Variants in UBE2C observed in about 807,000 individuals in gnomAD.
UBE2C encodes the protein ubiquitin-conjugating enzyme E2 C.
UBE2C carries 16 observed loss-of-function variants against 23.5 expected under a neutral mutation model. That is an observed-to-expected ratio of 0.68 (90% CI 0.46 to 1.03). UBE2C has a LOEUF of 1.03. Ranked by LOEUF, UBE2C falls within the 50% of genes least tolerant of loss-of-function variation. UBE2C has a pLI of 0.00. For missense variants in UBE2C, 192 were observed against 227.6 expected (o/e 0.84, Z 1.01); for synonymous variants, 76 against 91.6 (o/e 0.83, Z 0.97).
chr20:45,815,790 T>C, intron 4 of UBE2C, 45 bp downstream of exon 4: 1 of 1,612,960 alleles, frequency 6.2e-7, no homozygotes, highest in Non-Finnish European at 8.5e-7. Flanking sequence ...CTTGGGAACC[T>C]GTCAGGACTC....
chr20:45,814,296 ATAT>A, intron 2 of UBE2C, 85 bp from the exon 3 acceptor site: 1 of 369,446 alleles, frequency 2.7e-6, no homozygotes. Flanking sequence ...ATATATATAT[ATAT>A]AAAATTAAGG....
rs1259707478 is a variant in UBE2C, at chr20:45,812,909, C to T, written c.101+113C>T. On this transcript the variant is annotated intron_variant, in intron 1 of 5. Coordinates refer to ENST00000356455, the MANE Select transcript of UBE2C (RefSeq NM_007019.4). Reference sequence around the variant, plus strand: ...GCCACCTCCTGGAGCGGGAGATCTGCGGGTGCAGGAGAACACACCAGGAGC... The same window carrying T: ...GCCACCTCCTGGAGCGGGAGATCTGTGGGTGCAGGAGAACACACCAGGAGC... The T allele has an allele frequency of 4.1e-5, 59 of 1,444,792 alleles. No homozygotes were observed. The Admixed American group carries it at 1.1e-3, about 26-fold the overall frequency. The allele number at this position is 1,444,792 out of a possible 1,614,324, so 89.5% of individuals were successfully genotyped here. A position where few individuals can be genotyped will look rare whatever the true frequency, so the allele number is the denominator to read the frequency against.
chr20:45,814,927 T>C lies in UBE2C; in HGVS notation c.216+457T>C, dbSNP rs1167423338. On this transcript the variant is annotated intron_variant, in intron 3 of 5. Transcript: ENST00000356455. ...AATCTCGGCTCACTGCAAGCTCCGC[T>C]TCCCGGGTTCACGCCATTCTCCTGC... Among the ~76,000 whole-genome samples the C allele has an allele frequency of 2.5e-5, 3 of 120,758 alleles. No homozygotes were observed. The East Asian group carries it at 7.0e-4, about 28-fold the overall frequency. The allele number at this position is 120,758 out of a possible 152,430, so 79.2% of individuals were successfully genotyped here. A position where few individuals can be genotyped will look rare whatever the true frequency, so the allele number is the denominator to read the frequency against.
At chr20:45,816,621 A>C in intron 5 of UBE2C, 88 bp from the exon 6 acceptor site, 10 of 1,249,488 alleles carry the variant, frequency 8.0e-6, no homozygotes, top group Non-Finnish European at 1.2e-5. Context: ...TGGTCAACAG[A>C]GTGAGACTCC....
In UBE2C at chr20:45,815,686, A is replaced by C. The variant is rs764691584; in HGVS notation, c.362A>C (p.Lys121Thr). ...ATATGCCTGGACATCCTGAAGGAAA[A>C]GTGGTCTGCCCTGTATGATGTCAGG... ...GNICLDILKE[K>T]WSALYDVRTI... Residue 121 changes from lysine to threonine, a missense_variant, in exon 4 of 6, where the codon AAG (lysine) becomes ACG (threonine). By Grantham distance (78) the Lys-to-Thr change is moderately conservative (BLOSUM62 -1). Coordinates refer to ENST00000356455, the MANE Select transcript of UBE2C (RefSeq NM_007019.4). 6.2e-7 allele frequency: 1 copy of C among 1,614,104 alleles called. No individual in the cohort carries two copies. The highest frequency in any genetic ancestry group is 1.1e-5 in the South Asian group (1 of 91,076).
At chr20:45,815,455 T>C (rs776555374) in intron 3 of UBE2C, 86 bp from the exon 4 acceptor site, 2 of 1,613,962 alleles carry the variant, frequency 1.2e-6, no homozygotes, top group Non-Finnish European at 1.7e-6. Flanking sequence ...AAACTCAAGA[T>C]TCTAGCAAGC....
Position 45,812,723 on chromosome 20 carries a change from G to A in UBE2C, c.28G>A (p.Ala10Thr), listed in dbSNP as rs763421388. Residue 10 changes from alanine to threonine, a missense_variant, in exon 1 of 6, where the codon GCC becomes ACC. Physicochemically the swap from Ala to Thr is moderately conservative, Grantham distance 58. Transcript: ENST00000356455. MASQNRDPA[A>T]TSVAAARKGA... ...GGCTTCCCAAAACCGCGACCCAGCCGCCACTAGCGTCGCCGCCGCCCGTAA... is the reference window on the plus strand; with the variant it reads ...GGCTTCCCAAAACCGCGACCCAGCCACCACTAGCGTCGCCGCCGCCCGTAA... 2.6e-6 allele frequency: 4 copies of A among 1,553,196 alleles called. No homozygotes were observed. Among genetic ancestry groups the A allele is most frequent in the South Asian group, 2.4e-5 (2 of 84,278 alleles).
At position 45,812,786 on chromosome 20, in the gene UBE2C, G is replaced by C; in HGVS notation, c.91G>C (p.Val31Leu). ...GAGCGGGGGCGCCGCCCGGGGTCCG[G>C]TGGGCAAAAGGTGAGTGATGCGGCC... ...EPSGGAARGP[V>L]GKRLQQELMT... The change falls in exon 1 of 6, where the codon GTG becomes CTG. Residue 31 changes from valine to leucine, a missense_variant. Physicochemically the swap from Val to Leu is conservative, Grantham distance 32. Transcript: ENST00000356455. 3 of 1,555,906 alleles carry C rather than the reference G, an allele frequency of 1.9e-6. No individual in the cohort carries two copies. The highest frequency in any genetic ancestry group is 2.6e-6 in the Non-Finnish European group (3 of 1,149,850).
At chr20:45,812,930 G>A (rs887006924) in intron 1 of UBE2C, 134 bp downstream of exon 1, 1 of 1,433,042 alleles carries the variant, frequency 7.0e-7, no homozygotes, top group African/African-American at 1.4e-5. Flanking sequence ...GAACACACCA[G>A]GAGCTCGGGG....
At chr20:45,813,905 G>A (rs1982176995) in intron 2 of UBE2C, among the ~76,000 whole-genome samples, 1 of 152,040 alleles carries the variant, frequency 6.6e-6, no homozygotes, top group African/African-American at 2.4e-5. Context: ...AGGAGTTCGA[G>A]ACCAGCCTGG....
chr20:45,816,514 G>T (rs1054521304), intron 5 of UBE2C, among the ~76,000 whole-genome samples, 195 bp from the exon 6 acceptor site: 13 of 152,194 alleles, frequency 8.5e-5, no homozygotes, highest in African/African-American at 2.9e-4. Context: ...GTAGGCACCT[G>T]TAGTCCCAGC....
rs1305257803 is a variant in UBE2C, at chr20:45,816,818, T to C, written c.*51T>C. The C allele has an allele frequency of 1.3e-6, 2 of 1,520,634 alleles. No individual in the cohort carries two copies. Among genetic ancestry groups the C allele is most frequent in the Admixed American group, 3.7e-5 (2 of 53,678 alleles). The allele number at this position is 1,520,634 out of a possible 1,614,324, so 94.2% of individuals were successfully genotyped here. ...GTCGTCTTTTTAATTTTTCCTTAGA[T>C]GGTCTGTCCTTTTTGTGATTTCTGT... On this transcript the variant is annotated 3_prime_UTR_variant, in exon 6 of 6. Transcript: ENST00000356455.
chr20:45,814,589 T>C (rs147940560), intron 3 of UBE2C, 119 bp downstream of exon 3: 7,795 of 707,322 alleles, frequency 0.011, 298 homozygotes, highest in Admixed American at 0.11. Context: ...ACTGTTTACA[T>C]TCTCTGAGCC....
chr20:45,813,030 A>C, intron 1 of UBE2C: 1 of 1,424,046 alleles, frequency 7.0e-7, no homozygotes, highest in Non-Finnish European at 9.1e-7. Context: ...GATGGGGGAC[A>C]GGCCAGGAGC....
Position 45,812,971 on chromosome 20 carries a change from G to A in UBE2C, c.101+175G>A, listed in dbSNP as rs1302869847. 5 of 1,432,352 alleles carry A rather than the reference G, an allele frequency of 3.5e-6. No homozygotes were observed. In the East Asian group the frequency reaches 7.5e-5, roughly 22 times the overall value. The allele number at this position is 1,432,352 out of a possible 1,614,324, so 88.7% of individuals were successfully genotyped here. ...CATTCCCCTGGGCATGGGTGTCGAG[G>A]GCGGAGACTTCCGGGACTCCCACCT... On this transcript the variant is annotated intron_variant, in intron 1 of 5. Coordinates refer to ENST00000356455, the MANE Select transcript of UBE2C (RefSeq NM_007019.4).
At chr20:45,813,260 GA>G in intron 1 of UBE2C, 176 bp from the exon 2 acceptor site, 4 of 1,504,974 alleles carry the variant, frequency 2.7e-6, no homozygotes, top group Non-Finnish European at 3.5e-6. Context: ...TAGGGAGGGT[GA>G]GGACTCGCTA....
At chr20:45,814,725 G>A (rs1392014675) in intron 3 of UBE2C, among the ~76,000 whole-genome samples, 4 of 152,238 alleles carry the variant, frequency 2.6e-5, no homozygotes, top group Non-Finnish European at 4.4e-5. Context: ...TGGCCAATAG[G>A]GCCAGATCTC....
At position 45,815,600 on chromosome 20, in the gene UBE2C, T is replaced by C. The variant is rs141555061; in HGVS notation, c.276T>C (p.Asn92=). ...AGTTCCCCAGTGGCTACCCTTACAA[T>C]GCGCCCACAGTGAAGTTCCTCACGC... ...SLEFPSGYPY[N]APTVKFLTPC... Residue 92 remains asparagine (N), a synonymous_variant, in exon 4 of 6, where the codon AAT becomes AAC. Coordinates refer to ENST00000356455, the MANE Select transcript of UBE2C (RefSeq NM_007019.4). 1.5e-4 allele frequency: 241 copies of C among 1,613,952 alleles called. No individual in the cohort carries two copies. Among genetic ancestry groups the C allele is most frequent in the Admixed American group, 2.2e-4 (13 of 59,990 alleles).
rs1246860867 is a variant in UBE2C, at chr20:45,815,870, T to C, written c.438T>C (p.Ser146=). ...CACCCACAGAACCCAACATTGATAG[T>C]CCCTTGAACACACATGCTGCCGAGC... is the stretch of plus-strand genomic sequence containing the variant. ...QSLLGEPNID[S]PLNTHAAELW... is the part of the protein sequence containing the mutation. The change falls in exon 5 of 6, where the codon AGT becomes AGC. Residue 146 remains serine (S), a synonymous_variant. Coordinates refer to ENST00000356455, the MANE Select transcript of UBE2C (RefSeq NM_007019.4). 6 of 1,613,992 alleles carry C rather than the reference T, an allele frequency of 3.7e-6. No individual in the cohort carries two copies. The East Asian group carries it at 1.1e-4, about 30-fold the overall frequency.
Sources: gnomAD v4.1 joint callset for allele counts (sites outside exome capture counted in the v4.1 genomes callset) on GRCh38, gnomAD v4.1.1 for gene constraint, MANE v1.5 for transcripts, NCBI Gene and HGNC (gene_info 2026-07-23, HGNC 2026-07-21) for gene names.